The following SMYD3 variants were observed in gnomAD, a reference collection of about 807,000 sequenced individuals.
The protein encoded by SMYD3 is histone-lysine N-methyltransferase SMYD3.
Under a neutral mutation model 57.7 loss-of-function variants are expected in SMYD3, and 36 were observed. The ratio of observed to expected loss-of-function variants is 0.62; its 90% CI spans 0.48 to 0.82. The LOEUF (loss-of-function observed/expected upper bound fraction) is 0.82, where lower values mean the gene tolerates loss of function less well. Ranked by LOEUF, SMYD3 falls within the 40% of genes least tolerant of loss-of-function variation. The pLI, the probability that SMYD3 is intolerant of heterozygous loss-of-function variation, is 0.00. For synonymous variants in SMYD3, 211 were observed against 195.0 expected (o/e 1.08, Z -0.68); for missense variants, 515 against 538.8 (o/e 0.96, Z 0.44).
intron 5 of SMYD3, among the ~76,000 whole-genome samples, chr1:246,013,327 G>A (rs4654078): frequency 0.62 from 94,061 of 151,884 alleles, 31,238 homozygotes; most frequent in Admixed American, 0.77. Flanking sequence ...TTACAGGCAC[G>A]TGCCACCATG....
chr1:245,967,501 G>C (rs965972888), intron 5 of SMYD3, among the ~76,000 whole-genome samples: 2 of 152,202 alleles, frequency 1.3e-5, no homozygotes, highest in African/African-American at 4.8e-5. Context: ...GGGCATTTGT[G>C]GAAGTGTGGA....
intron 5 of SMYD3, among the ~76,000 whole-genome samples, chr1:246,226,767 A>C (rs2063336397): frequency 6.6e-6 from 1 of 152,168 alleles, no homozygotes; most frequent in Non-Finnish European, 1.5e-5. Context: ...TCTCATACTA[A>C]CCTCTGAATA....
intron 2 of SMYD3, among the ~76,000 whole-genome samples, chr1:246,346,411 A>AT (rs1306773410): frequency 6.6e-6 from 1 of 152,230 alleles, no homozygotes; most frequent in African/African-American, 2.4e-5. Flanking sequence ...AGAAAAAACT[A>AT]TAAGACATAC....
At chr1:245,913,190 G>T (rs1452558091) in intron 8 of SMYD3, among the ~76,000 whole-genome samples, 8 of 151,810 alleles carry the variant, frequency 5.3e-5, no homozygotes, top group Non-Finnish European at 1.2e-4. Flanking sequence ...CCATAAAAAA[G>T]GATGAGTTCA....
chr1:246,346,090 C>G (rs894567641), intron 2 of SMYD3, among the ~76,000 whole-genome samples: 4 of 152,156 alleles, frequency 2.6e-5, no homozygotes, highest in African/African-American at 9.7e-5. Context: ...CGAGACCATC[C>G]TGGCTAACAC....
intron 1 of SMYD3, among the ~76,000 whole-genome samples, chr1:246,450,722 C>T (rs752935051): frequency 1.3e-5 from 2 of 152,206 alleles, no homozygotes; most frequent in African/African-American, 2.4e-5. Context: ...TCAGTAAATG[C>T]GTGATTATTA....
intron 5 of SMYD3, among the ~76,000 whole-genome samples, chr1:245,994,730 C>T (rs2058888400): frequency 6.6e-6 from 1 of 152,060 alleles, no homozygotes; most frequent in Admixed American, 6.5e-5. Context: ...CTCTCATTAT[C>T]CATCTATGTG....
At chr1:246,187,287 C>CAAAAA (rs201777727) in intron 5 of SMYD3, among the ~76,000 whole-genome samples, 2 of 110,488 alleles carry the variant, frequency 1.8e-5, no homozygotes, top group Non-Finnish European at 2.0e-5. Flanking sequence ...GACTCTGTCT[C>CAAAAA]AAAAAAAAAA....
rs2062646118 is a variant in SMYD3 at position 246,186,664 on chromosome 1, A to G, written c.531+140537T>C. On this transcript the variant is annotated intron_variant, in intron 5 of 11. Coordinates refer to ENST00000490107, the MANE Select transcript of SMYD3 (RefSeq NM_001167740.2). ...ATATCAGCCCCAAAACTAAGAGACA[A>G]TGAAAACTTGACCTGTGAGAGTCTG... 7.4e-6 allele frequency: 6 copies of G among 812,894 alleles called. No individual in the cohort carries two copies. The South Asian group carries it at 3.4e-4, about 46-fold the overall frequency. The allele number at this position is 812,894 out of a possible 1,614,324, so 50.4% of individuals were successfully genotyped here.
chr1:246,344,675 C>T (rs989279870), intron 2 of SMYD3, among the ~76,000 whole-genome samples: 1 of 152,160 alleles, frequency 6.6e-6, no homozygotes, highest in African/African-American at 2.4e-5. Flanking sequence ...AATGATAACG[C>T]TTTACTTTCT....
chr1:246,154,747 AAAAC>A (rs1231753381), intron 5 of SMYD3, among the ~76,000 whole-genome samples: 2 of 152,110 alleles, frequency 1.3e-5, no homozygotes, highest in African/African-American at 2.4e-5. Context: ...AGTTACCATC[AAAAC>A]AAACAATGTT....
At chr1:246,212,344 A>C (rs2063102932) in intron 5 of SMYD3, among the ~76,000 whole-genome samples, 1 of 152,166 alleles carries the variant, frequency 6.6e-6, no homozygotes, top group Non-Finnish European at 1.5e-5. Context: ...TAAATGCATA[A>C]TGGTAATAAT....
chr1:246,218,215 A>T (rs2063195203), intron 5 of SMYD3, among the ~76,000 whole-genome samples: 1 of 150,314 alleles, frequency 6.7e-6, no homozygotes, highest in Non-Finnish European at 1.5e-5. Flanking sequence ...TTCAATACAT[A>T]CAAGAAAACC....
chr1:246,181,854 G>C (rs983235676), intron 5 of SMYD3, among the ~76,000 whole-genome samples: 2 of 152,252 alleles, frequency 1.3e-5, no homozygotes, highest in Middle Eastern at 3.4e-3. Context: ...AGAGAGATTT[G>C]AAAAATGAAT....
At chr1:245,897,937 ATAT>A (rs1194136816) in intron 8 of SMYD3, among the ~76,000 whole-genome samples, 2 of 152,136 alleles carry the variant, frequency 1.3e-5, no homozygotes, top group East Asian at 3.9e-4. Flanking sequence ...ATGATGAAGA[ATAT>A]TATAGAAATC....
At chr1:245,851,197 G>C (rs1052308695) in intron 10 of SMYD3, among the ~76,000 whole-genome samples, 3 of 152,170 alleles carry the variant, frequency 2.0e-5, no homozygotes, top group African/African-American at 7.2e-5. Flanking sequence ...CAAAGGCCTG[G>C]TTTTCTGGAG....
At chr1:246,354,272 T>C (rs894680123) in intron 2 of SMYD3, among the ~76,000 whole-genome samples, 2 of 152,228 alleles carry the variant, frequency 1.3e-5, no homozygotes, top group African/African-American at 4.8e-5. Context: ...GAAAAGGTCA[T>C]GCTGAATGTT....
intron 5 of SMYD3, among the ~76,000 whole-genome samples, chr1:245,967,474 A>G (rs1572809699): frequency 6.6e-6 from 1 of 152,340 alleles, no homozygotes; most frequent in East Asian, 1.9e-4. Context: ...GCCATCCAAG[A>G]AAAGTCAAAT....
intron 5 of SMYD3, among the ~76,000 whole-genome samples, chr1:246,310,190 A>T (rs539651693): frequency 0.015 from 2,356 of 152,340 alleles, 32 homozygotes; most frequent in African/African-American, 0.038. Flanking sequence ...AATGAACAAG[A>T]CCTGCTTTTT....
Sources: gnomAD v4.1 joint callset for allele counts (sites outside exome capture counted in the v4.1 genomes callset) on GRCh38, gnomAD v4.1.1 for gene constraint, MANE v1.5 for transcripts, NCBI Gene and HGNC (gene_info 2026-07-23, HGNC 2026-07-21) for gene names.